NT5DC1: variants seen among roughly 807,000 people sequenced by gnomAD.
NT5DC1 encodes 5'-nucleotidase domain containing 1.
A neutral mutation model predicts 59.4 loss-of-function variants in NT5DC1; 42 were observed. The observed-to-expected ratio is 0.71, with a 90% CI of 0.55 to 0.92. NT5DC1 has a LOEUF of 0.92. Ranked by LOEUF, NT5DC1 falls within the 40% of genes least tolerant of loss-of-function variation. The pLI, the probability that NT5DC1 is intolerant of heterozygous loss-of-function variation, is 0.00. For synonymous variants in NT5DC1, 172 were observed against 188.1 expected, an observed-to-expected ratio of 0.91 and a Z score of 0.70; for missense variants, 501 against 537.1, an observed-to-expected ratio of 0.93 and a Z score of 0.66.
At chr6:116,196,566 A>G (rs1003036613) in intron 6 of NT5DC1, among the ~76,000 whole-genome samples, 3 of 152,054 alleles carry the variant, frequency 2.0e-5, no homozygotes, top group Non-Finnish European at 4.4e-5. Flanking sequence ...AACTATTTGG[A>G]TGTTATTTTA....
intron 6 of NT5DC1, among the ~76,000 whole-genome samples, chr6:116,160,189 A>G (rs768046168): frequency 1.2e-4 from 19 of 152,186 alleles, no homozygotes; most frequent in Non-Finnish European, 2.1e-4. Flanking sequence ...AGAAATGCCC[A>G]TAATGTTTTC....
At position 116,249,484 on chromosome 6, in the gene NT5DC1, G is replaced by A. The variant is rs1367345264; in HGVS notation, c.*5460G>A. The A allele has an allele frequency of 6.6e-6, 1 of 152,190 alleles. No individual in the cohort carries two copies. The highest frequency in any genetic ancestry group is 6.5e-5 in the Admixed American group (1 of 15,268). The allele number at this position is 152,190 out of a possible 1,614,324, so 9.4% of individuals were successfully genotyped here. A position where few individuals can be genotyped will look rare whatever the true frequency, so the allele number is the denominator to read the frequency against. On this transcript the variant is annotated 3_prime_UTR_variant, in exon 12 of 12. Coordinates refer to ENST00000319550, the MANE Select transcript of NT5DC1 (RefSeq NM_152729.3). ...AAAACTATCATTACCGGTAATTAAA[G>A]TTGTGATACCTGATATCATTTGTCT...
intron 6 of NT5DC1, among the ~76,000 whole-genome samples, chr6:116,202,309 G>A (rs1425442648): frequency 6.6e-6 from 1 of 151,896 alleles, no homozygotes; most frequent in African/African-American, 2.4e-5. Context: ...GGAATACATA[G>A]ATCAGTAGCA....
chr6:116,233,092 A>G (rs775550140), intron 8 of NT5DC1, among the ~76,000 whole-genome samples: 110 of 152,178 alleles, frequency 7.2e-4, no homozygotes, highest in Non-Finnish European at 1.2e-4. Context: ...TTGAGGAATA[A>G]TTTGTATATC....
At chr6:116,194,349 C>T (rs1461357333) in intron 6 of NT5DC1, among the ~76,000 whole-genome samples, 2 of 151,862 alleles carry the variant, frequency 1.3e-5, no homozygotes, top group Non-Finnish European at 2.9e-5. Context: ...ACAGAGTAAA[C>T]AGATTATTTA....
intron 6 of NT5DC1, among the ~76,000 whole-genome samples, chr6:116,159,455 A>G (rs1172901544): frequency 1.3e-5 from 2 of 152,206 alleles, no homozygotes; most frequent in Non-Finnish European, 2.9e-5. Context: ...GTTAAAGTAT[A>G]CCATGCATTA....
At chr6:116,135,660 A>T (rs1562132357) in intron 6 of NT5DC1, among the ~76,000 whole-genome samples, 1 of 149,628 alleles carries the variant, frequency 6.7e-6, no homozygotes, top group Non-Finnish European at 1.5e-5. Flanking sequence ...ACTAACAAAC[A>T]TTTTTTTTTC....
intron 6 of NT5DC1, among the ~76,000 whole-genome samples, chr6:116,130,133 G>A (rs1165986270): frequency 1.3e-5 from 2 of 151,988 alleles, no homozygotes; most frequent in Admixed American, 1.3e-4. Flanking sequence ...TATTAGCTAG[G>A]ATATTCTCTA....
rs73772274 is a variant in NT5DC1 at position 116,141,629 on chromosome 6, T to C, written c.529+23684T>C. On this transcript the variant is annotated intron_variant, in intron 6 of 11. Coordinates refer to ENST00000319550, the MANE Select transcript of NT5DC1 (RefSeq NM_152729.3). ...AGTTGACCATTCTTTTAATAGAATTTCTGATTCTAGGTTTACTTGCAAAGG... is the reference window on the plus strand; with the variant it reads ...AGTTGACCATTCTTTTAATAGAATTCCTGATTCTAGGTTTACTTGCAAAGG... Among the ~76,000 whole-genome samples the C allele has an allele frequency of 4.8e-3, 737 of 152,214 alleles. 12 individuals are homozygous for C. The highest frequency in any genetic ancestry group is 0.043 in the South Asian group (207 of 4,818).
chr6:116,102,112 T>G (rs985067998), intron 1 of NT5DC1, among the ~76,000 whole-genome samples: 1 of 152,226 alleles, frequency 6.6e-6, no homozygotes, highest in African/African-American at 2.4e-5. Flanking sequence ...GACAAGTGTT[T>G]GCTTTTATGG....
intron 6 of NT5DC1, among the ~76,000 whole-genome samples, chr6:116,204,505 A>G (rs1221113814): frequency 1.3e-5 from 2 of 151,974 alleles, no homozygotes; most frequent in South Asian, 2.1e-4. Context: ...ACACACATAT[A>G]TGCTGCTAAC....
intron 6 of NT5DC1, among the ~76,000 whole-genome samples, chr6:116,155,293 A>C (rs1331352131): frequency 6.6e-6 from 1 of 152,136 alleles, no homozygotes; most frequent in Non-Finnish European, 1.5e-5. Flanking sequence ...ATCTGGGATA[A>C]TCTGAGAAAA....
chr6:116,193,754 T>G (rs1781168832), intron 6 of NT5DC1, among the ~76,000 whole-genome samples: 1 of 117,128 alleles, frequency 8.5e-6, no homozygotes, highest in Admixed American at 8.6e-5. Flanking sequence ...CTTAAACATA[T>G]AATTATACTG....
chr6:116,109,440 A>G (rs1778830686), intron 3 of NT5DC1, among the ~76,000 whole-genome samples: 1 of 152,192 alleles, frequency 6.6e-6, no homozygotes, highest in Non-Finnish European at 1.5e-5. Context: ...AGATTCTCAC[A>G]GTGTTCTTGG....
At chr6:116,242,295 T>A (rs907958746) in intron 11 of NT5DC1, among the ~76,000 whole-genome samples, 1 of 150,480 alleles carries the variant, frequency 6.6e-6, no homozygotes, top group Middle Eastern at 3.4e-3. Flanking sequence ...AGGCGGAGAT[T>A]GCGCCACTGC....
At chr6:116,110,544 T>G (rs1236781366) in intron 3 of NT5DC1, among the ~76,000 whole-genome samples, 1 of 152,170 alleles carries the variant, frequency 6.6e-6, no homozygotes, top group African/African-American at 2.4e-5. Context: ...GCTCCAGGTA[T>G]GTTCATCTTA....
At chr6:116,215,104 C>G (rs1781664251) in intron 6 of NT5DC1, among the ~76,000 whole-genome samples, 1 of 152,116 alleles carries the variant, frequency 6.6e-6, no homozygotes, top group South Asian at 2.1e-4. Context: ...GAAATTATTG[C>G]TTTCCTGGTT....
chr6:116,121,072 T>C (rs1395923208), intron 6 of NT5DC1: 1 of 1,614,084 alleles, frequency 6.2e-7, no homozygotes, highest in Admixed American at 1.7e-5. Flanking sequence ...GGATGCCTTT[T>C]GGTCCTTGGG....
chr6:116,228,685 C>T (rs963663279), intron 8 of NT5DC1, among the ~76,000 whole-genome samples: 7 of 152,004 alleles, frequency 4.6e-5, no homozygotes, highest in South Asian at 2.1e-4. Context: ...AAAAAGATTG[C>T]GAGAACTATT....
Sources: gnomAD v4.1 joint callset for allele counts (sites outside exome capture counted in the v4.1 genomes callset) on GRCh38, gnomAD v4.1.1 for gene constraint, MANE v1.5 for transcripts, NCBI Gene and HGNC (gene_info 2026-07-23, HGNC 2026-07-21) for gene names.